SLC6A2: variants seen among roughly 807,000 people sequenced by gnomAD.
SLC6A2 encodes the protein sodium-dependent noradrenaline transporter.
In SLC6A2, 26 loss-of-function variants were observed where a neutral mutation model predicts 71.7. The ratio of observed to expected loss-of-function variants is 0.36; its 90% CI spans 0.27 to 0.50. The LOEUF (loss-of-function observed/expected upper bound fraction) is 0.50, where lower values mean the gene tolerates loss of function less well. SLC6A2 is among the 20% of genes least tolerant of loss of function. SLC6A2 has a pLI of 0.96. For missense variants in SLC6A2, 581 were observed against 803.9 expected, an observed-to-expected ratio of 0.72 and a Z score of 3.35; for synonymous variants, 363 against 337.9, an observed-to-expected ratio of 1.07 and a Z score of -0.82.
chr16:55,701,842 C>G, intron 13 of SLC6A2, 21 bp from the exon 14 acceptor site: 1 of 1,608,140 alleles, frequency 6.2e-7, no homozygotes, highest in South Asian at 1.1e-5. Context: ...CTGAGGCCTC[C>G]TCCCCTTCTC....
intron 11 of SLC6A2, among the ~76,000 whole-genome samples, chr16:55,699,183 T>A (rs1477304665): frequency 6.6e-6 from 1 of 152,192 alleles, no homozygotes; most frequent in Non-Finnish European, 1.5e-5. Context: ...CCTATCAGAT[T>A]GAAGTCAGGG....
chr16:55,672,267 C>A, intron 4 of SLC6A2, 92 bp downstream of exon 4: 1 of 1,607,072 alleles, frequency 6.2e-7, no homozygotes, highest in Non-Finnish European at 8.5e-7. Context: ...ACCAAGGAGA[C>A]GCATGCCGTC....
intron 4 of SLC6A2, among the ~76,000 whole-genome samples, chr16:55,673,543 A>G (rs967058555): frequency 1.3e-5 from 2 of 151,838 alleles, no homozygotes; most frequent in African/African-American, 2.4e-5. Flanking sequence ...TCCTATTTCC[A>G]TCATTTCTTC....
chr16:55,658,348 C>A (rs1181565969), intron 2 of SLC6A2, among the ~76,000 whole-genome samples: 1 of 152,058 alleles, frequency 6.6e-6, no homozygotes, highest in Non-Finnish European at 1.5e-5. Flanking sequence ...CTCGTCTCTA[C>A]TAAAAATACA....
chr16:55,673,592 C>T (rs986264430), intron 4 of SLC6A2, among the ~76,000 whole-genome samples: 20 of 152,176 alleles, frequency 1.3e-4, no homozygotes, highest in East Asian at 1.2e-3. Context: ...GACAGAGTCT[C>T]GGTCTGTTGC....
intron 14 of SLC6A2, 112 bp from the exon 15 acceptor site, chr16:55,702,211 A>G: frequency 9.5e-7 from 1 of 1,047,550 alleles, no homozygotes; most frequent in Non-Finnish European, 1.5e-6. Context: ...AGGTCCGTGA[A>G]GGAAGGGGGT....
chr16:55,689,809 G>A (rs1353202438), intron 5 of SLC6A2, among the ~76,000 whole-genome samples: 2 of 152,152 alleles, frequency 1.3e-5, no homozygotes, highest in African/African-American at 4.8e-5. Context: ...CTCCCTGAAA[G>A]AAAACAAGTG....
intron 4 of SLC6A2, among the ~76,000 whole-genome samples, chr16:55,679,916 G>T (rs1210944151): frequency 6.6e-6 from 1 of 152,200 alleles, no homozygotes; most frequent in Non-Finnish European, 1.5e-5. Flanking sequence ...ATGATTCTTT[G>T]TTGGGGGACA....
intron 5 of SLC6A2, among the ~76,000 whole-genome samples, chr16:55,689,688 G>A (rs1965554828): frequency 6.6e-6 from 1 of 152,226 alleles, no homozygotes; most frequent in African/African-American, 2.4e-5. Context: ...CCCAGATCAG[G>A]AGACTGAATA....
At chr16:55,699,710 G>A (rs922141726) in intron 12 of SLC6A2, 56 bp downstream of exon 12, 2 of 1,278,670 alleles carry the variant, frequency 1.6e-6, no homozygotes, top group Middle Eastern at 1.8e-4. Flanking sequence ...TGTCCAGGAT[G>A]GAGCTGGGTG....
At chr16:55,667,310 A>G (rs1964781017) in intron 2 of SLC6A2, among the ~76,000 whole-genome samples, 1 of 152,208 alleles carries the variant, frequency 6.6e-6, no homozygotes, top group Admixed American at 6.5e-5. Context: ...TCCAGGTTTG[A>G]AGCCAAGCTT....
rs199634010 is a variant in SLC6A2 at position 55,685,105 on chromosome 16, G to A, written c.645-38G>A. 9.1e-5 allele frequency: 146 copies of A among 1,612,256 alleles called. 1 individual carries two copies. Among genetic ancestry groups the A allele is most frequent in the Non-Finnish European group, 1.2e-4 (139 of 1,178,936 alleles). On this transcript the variant is annotated intron_variant, in intron 4 of 14. Transcript: ENST00000568943. ...CACGGCCTCTGTCGTCCTCCCTGAC[G>A]ACATTTACCCTGGTCCCCTCCCCTC...
At chr16:55,681,744 C>G (rs1445347730) in intron 4 of SLC6A2, among the ~76,000 whole-genome samples, 1 of 152,184 alleles carries the variant, frequency 6.6e-6, no homozygotes. Flanking sequence ...CGGGATGATT[C>G]CAGCAAGGGC....
At chr16:55,669,779 C>G (rs1964853560) in intron 3 of SLC6A2, 83 bp downstream of exon 3, 1 of 1,466,780 alleles carries the variant, frequency 6.8e-7, no homozygotes. Context: ...GTGGTGAGAT[C>G]TAAGGTAGAC....
intron 4 of SLC6A2, among the ~76,000 whole-genome samples, chr16:55,683,353 T>C (rs1965339831): frequency 6.6e-6 from 1 of 152,226 alleles, no homozygotes; most frequent in Admixed American, 6.5e-5. Context: ...GGCTCATGCC[T>C]GTAATCCCAG....
Position 55,656,717 on chromosome 16 carries a change from C to A in SLC6A2, c.23C>A (p.Pro8Gln). 1 of 1,612,672 alleles carries A rather than the reference C, an allele frequency of 6.2e-7. No homozygotes were observed. Among genetic ancestry groups the A allele is most frequent in the South Asian group, 1.1e-5 (1 of 91,040 alleles). Residue 8 changes from proline (P) to glutamine (Q), a missense_variant, in exon 2 of 15, where the codon CCG (proline) becomes CAG (glutamine). By Grantham distance (76) the Pro-to-Gln change is moderately conservative. Transcript: ENST00000568943. The surrounding 1 kb of genome is among the most constrained non-coding windows in gnomAD (Gnocchi z 4.5). Reference protein sequence around the residue: MLLARMNPQVQPENNGAD... With the variant: MLLARMNQQVQPENNGAD... The stretch of plus-strand genomic sequence containing the variant: ...TCCATGCTTCTGGCGCGGATGAACC[C>A]GCAGGTGCAGCCCGAGAACAACGGG...
At chr16:55,667,781 T>A (rs1448314411) in intron 2 of SLC6A2, among the ~76,000 whole-genome samples, 2 of 144,656 alleles carry the variant, frequency 1.4e-5, no homozygotes, top group Non-Finnish European at 3.0e-5. Flanking sequence ...TACCCTCTGA[T>A]CCTATTCAGA....
chr16:55,671,884 T>C, intron 3 of SLC6A2, 54 bp from the exon 4 acceptor site: 1 of 1,611,524 alleles, frequency 6.2e-7, no homozygotes, highest in Non-Finnish European at 8.5e-7. Flanking sequence ...CAAGGAGAGG[T>C]GGCTGTGGGG....
chr16:55,683,232 C>T (rs1423062564), intron 4 of SLC6A2, among the ~76,000 whole-genome samples: 1 of 152,128 alleles, frequency 6.6e-6, no homozygotes, highest in Non-Finnish European at 1.5e-5. Context: ...ATTTTGTTTT[C>T]AATTCTCTTT....
Sources: allele counts gnomAD v4.1 joint callset (sites outside exome capture counted in the v4.1 genomes callset), GRCh38; gene constraint gnomAD v4.1.1; non-coding constraint Gnocchi (gnomAD v3.1); transcripts MANE v1.5; gene names NCBI Gene and HGNC (gene_info 2026-07-23, HGNC 2026-07-21).